TDRD5: variants seen among roughly 807,000 people sequenced by gnomAD.
The protein encoded by TDRD5 is tudor domain-containing protein 5.
Under a neutral mutation model 120.6 loss-of-function variants are expected in TDRD5, and 41 were observed. The observed-to-expected ratio is 0.34, with a 90% confidence interval of 0.26 to 0.44. The LOEUF (loss-of-function observed/expected upper bound fraction) is 0.44. TDRD5 is among the 20% of genes least tolerant of loss of function. The probability of loss-of-function intolerance (pLI) is 1.00; values close to 1 mark genes in which losing one functional copy is unlikely to be tolerated. For missense variants in TDRD5, 1,006 were observed against 1,221.2 expected, an observed-to-expected ratio of 0.82 and a Z score of 2.63; for synonymous variants, 430 against 433.7, an observed-to-expected ratio of 0.99 and a Z score of 0.11.
chr1:179,633,383 G>T (rs1011702253), intron 7 of TDRD5, among the ~76,000 whole-genome samples: 1 of 150,768 alleles, frequency 6.6e-6, no homozygotes, highest in South Asian at 2.1e-4. Context: ...ATGGAGTCTC[G>T]CTCTGTCACC....
Position 179,622,830 on chromosome 1 carries a change from T to C in TDRD5, c.972+1739T>C, listed in dbSNP as rs569860579. On this transcript the variant is annotated intron_variant, in intron 6 of 17. Coordinates refer to ENST00000444136, the MANE Select transcript of TDRD5 (RefSeq NM_001199085.3). ...AGCCTAAGAAAGCACAGCAGAAATA[T>C]ATTTGAAAAAATAATGGCCCAAATT... Among the ~76,000 whole-genome samples, 5 of 152,226 alleles carry C rather than the reference T, an allele frequency of 3.3e-5. No homozygotes were observed. The East Asian group carries it at 9.6e-4, about 29-fold the overall frequency.
chr1:179,616,298 T>C (rs1676562227), intron 4 of TDRD5, among the ~76,000 whole-genome samples: 1 of 152,182 alleles, frequency 6.6e-6, no homozygotes, highest in African/African-American at 2.4e-5. Flanking sequence ...CTTGAGGTCC[T>C]TGAGGCTGTT....
chr1:179,620,429 CAA>C (rs1305679473), intron 5 of TDRD5, among the ~76,000 whole-genome samples: 2 of 151,830 alleles, frequency 1.3e-5, no homozygotes, highest in Admixed American at 6.6e-5. Context: ...AAATAAGAAA[CAA>C]AATAGAAGAT....
At chr1:179,593,037 C>T (rs1675201137) in intron 2 of TDRD5, among the ~76,000 whole-genome samples, 190 bp downstream of exon 2, 1 of 152,050 alleles carries the variant, frequency 6.6e-6, no homozygotes, top group African/African-American at 2.4e-5. Flanking sequence ...CAAACCATTC[C>T]CCCAAACAAT....
At position 179,624,472 on chromosome 1, in the gene TDRD5, A is replaced by G. The variant is rs565859498; in HGVS notation, c.972+3381A>G. 1.5e-3 allele frequency among the ~76,000 whole-genome samples: 231 copies of G among 152,280 alleles called. 2 individuals carry two copies. Among genetic ancestry groups the G allele is most frequent in the African/African-American group, 5.4e-3 (223 of 41,568 alleles). On this transcript the variant is annotated intron_variant, in intron 6 of 17. Coordinates refer to ENST00000444136, the MANE Select transcript of TDRD5 (RefSeq NM_001199085.3). ...AAAGGCATGAAAACCTAAAAGAAAA[A>G]ACGTAAAACTTTATTTGTAGAAAAC...
intron 17 of TDRD5, among the ~76,000 whole-genome samples, chr1:179,683,086 T>G (rs1680518174): frequency 6.6e-6 from 1 of 151,910 alleles, no homozygotes; most frequent in Admixed American, 6.6e-5. Context: ...TGACTGGCCT[T>G]TCTGAGTTCT....
intron 11 of TDRD5, among the ~76,000 whole-genome samples, chr1:179,648,599 A>T (rs1459431853): frequency 1.5e-5 from 2 of 132,232 alleles, no homozygotes; most frequent in African/African-American, 5.1e-5. Flanking sequence ...TATAATAATA[A>T]AAAAAAAAAG....
In TDRD5 at chr1:179,604,364, T is replaced by A. The variant is rs191090348; in HGVS notation, c.831+8546T>A. ...ATGTATCTTTTGTATTTTTTTGTTG[T>A]TGTTAATTTCATTTAGTTCTGCTCT... On this transcript the variant is annotated intron_variant, in intron 4 of 17. Coordinates refer to ENST00000444136, the MANE Select transcript of TDRD5 (RefSeq NM_001199085.3). Among the ~76,000 whole-genome samples the A allele has an allele frequency of 1.5e-4, 23 of 152,124 alleles. No homozygotes were observed. The East Asian group carries it at 4.2e-3, about 28-fold the overall frequency.
chr1:179,680,040 A>G (rs1228417170), intron 17 of TDRD5, among the ~76,000 whole-genome samples: 1 of 152,158 alleles, frequency 6.6e-6, no homozygotes, highest in Non-Finnish European at 1.5e-5. Context: ...TTCAAAATAT[A>G]ATTTCCCTTG....
intron 14 of TDRD5, 23 bp from the exon 15 acceptor site, chr1:179,662,077 TTTTC>T: frequency 6.6e-7 from 1 of 1,507,474 alleles, no homozygotes; most frequent in Non-Finnish European, 8.8e-7. Flanking sequence ...AAATGATAGT[TTTTC>T]TTTGTCTTCT....
At chr1:179,605,996 G>GT (rs1433270802) in intron 4 of TDRD5, among the ~76,000 whole-genome samples, 1 of 151,966 alleles carries the variant, frequency 6.6e-6, no homozygotes, top group East Asian at 1.9e-4. Flanking sequence ...AGATATGTTT[G>GT]TTTTTATAGG....
intron 11 of TDRD5, among the ~76,000 whole-genome samples, chr1:179,644,502 T>C (rs747067680): frequency 1.3e-5 from 2 of 152,140 alleles, no homozygotes; most frequent in African/African-American, 2.4e-5. Flanking sequence ...TTTGTAAATT[T>C]TGACTAATTT....
At position 179,595,661 on chromosome 1, in the gene TDRD5, A is replaced by G. The variant is rs554946258; in HGVS notation, c.674A>G (p.Gln225Arg). The change falls in exon 4 of 18, where the codon CAA becomes CGA. Residue 225 changes from glutamine to arginine, a missense_variant. Physicochemically the swap from Gln to Arg is conservative, Grantham distance 43 (BLOSUM62 1). Coordinates refer to ENST00000444136, the MANE Select transcript of TDRD5 (RefSeq NM_001199085.3). ...TTTACCCAGCCATTTAGAATGAAACAAGGGTCATACTCCACAGGCTTTCCG... is the reference window on the plus strand; with the variant it reads ...TTTACCCAGCCATTTAGAATGAAACGAGGGTCATACTCCACAGGCTTTCCG... ...KIFTQPFRMK[Q>R]GSYSTGFPVA... The G allele has an allele frequency of 3.1e-6, 5 of 1,606,254 alleles. No homozygotes were observed. In the East Asian group the frequency reaches 8.9e-5, roughly 29 times the overall value.
chr1:179,652,315 T>C, intron 13 of TDRD5, 118 bp downstream of exon 13: 1 of 998,502 alleles, frequency 1.0e-6, no homozygotes, highest in Admixed American at 3.1e-5. Context: ...TGCACAGTGA[T>C]CTTAACAATT....
chr1:179,652,083 T>C lies in TDRD5; in HGVS notation c.2046T>C (p.Ser682=), dbSNP rs1345394437. The C allele has an allele frequency of 6.2e-6, 10 of 1,613,862 alleles. No individual in the cohort carries two copies. The African/African-American group carries it at 1.2e-4, about 19-fold the overall frequency. The part of the protein sequence containing the change: ...LNPLALYTTS[S]GGPEDIVLTE... ...CTTTAGCTTTATACACGACATCCAG[T>C]GGAGGGCCAGAGGACATTGTCTTGA... The change falls in exon 13 of 18, where the codon AGT becomes AGC. Residue 682 remains serine (S), a synonymous_variant. Coordinates refer to ENST00000444136, the MANE Select transcript of TDRD5 (RefSeq NM_001199085.3).
chr1:179,606,294 T>A (rs768856234), intron 4 of TDRD5, among the ~76,000 whole-genome samples: 10 of 151,684 alleles, frequency 6.6e-5, no homozygotes, highest in Admixed American at 2.0e-4. Flanking sequence ...TTGGATTGTT[T>A]CTTATTGCTG....
At chr1:179,630,738 T>G in intron 6 of TDRD5, 29 bp from the exon 7 acceptor site, 2 of 1,607,596 alleles carry the variant, frequency 1.2e-6, no homozygotes, top group East Asian at 2.2e-5. Flanking sequence ...CTAATGCTGT[T>G]TCATGTAATT....
At chr1:179,673,305 C>G (rs966039350) in intron 17 of TDRD5, among the ~76,000 whole-genome samples, 5 of 152,116 alleles carry the variant, frequency 3.3e-5, no homozygotes, top group African/African-American at 4.8e-5. Flanking sequence ...ATATAGAAGT[C>G]TTTCACGTCT....
chr1:179,627,384 C>T (rs1677187593), intron 6 of TDRD5, among the ~76,000 whole-genome samples: 1 of 152,112 alleles, frequency 6.6e-6, no homozygotes, highest in Non-Finnish European at 1.5e-5. Context: ...TGGCAATGTA[C>T]TCTGCTAATG....
Sources: allele counts gnomAD v4.1 joint callset (sites outside exome capture counted in the v4.1 genomes callset), GRCh38; gene constraint gnomAD v4.1.1; transcripts MANE v1.5; gene names NCBI Gene and HGNC (gene_info 2026-07-23, HGNC 2026-07-21).